Variants in FRMPD4 observed in about 807,000 individuals in gnomAD.
The protein encoded by FRMPD4 is FERM and PDZ domain containing 4.
In FRMPD4, 22 loss-of-function variants were observed where a neutral mutation model predicts 94.1. That is an observed-to-expected ratio of 0.23 (90% CI 0.17 to 0.33). The LOEUF is 0.33. FRMPD4 is among the 10% of genes least tolerant of loss of function. The probability of loss-of-function intolerance (pLI) is 1.00; values close to 1 mark genes in which losing one functional copy is unlikely to be tolerated. For missense variants in FRMPD4, 1,111 were observed against 1,339.9 expected, an observed-to-expected ratio of 0.83 and a Z score of 2.67; for synonymous variants, 631 against 548.6, an observed-to-expected ratio of 1.15 and a Z score of -2.10.
chrX:12,542,344 A>G (rs1023365998), intron 2 of FRMPD4, among the ~76,000 whole-genome samples: 3 of 112,264 alleles, frequency 2.7e-5, no homozygotes, highest in Non-Finnish European at 5.6e-5. Context: ...CAACCCCATT[A>G]TCTCAGCCCA....
chrX:12,123,927 C>A (rs1352192972), intron 3 of FRMPD4, among the ~76,000 whole-genome samples: 1 of 111,768 alleles, frequency 8.9e-6, no homozygotes, highest in Non-Finnish European at 1.9e-5. Context: ...ACTCCAATGA[C>A]TTCCCATTGC....
intron 1 of FRMPD4, among the ~76,000 whole-genome samples, chrX:12,317,657 T>G (rs78750399): frequency 1.2e-5 from 1 of 86,597 alleles, no homozygotes; most frequent in Admixed American, 1.2e-4. Context: ...AAAATCTGAA[T>G]AGACATTTCT....
At chrX:12,276,388 G>A (rs765881318) in intron 1 of FRMPD4, among the ~76,000 whole-genome samples, 1 of 112,301 alleles carries the variant, frequency 8.9e-6, no homozygotes, top group South Asian at 3.8e-4. Flanking sequence ...ATCAATACAT[G>A]TAAGATGTAC....
chrX:12,512,224 TA>T (rs1414913297), intron 2 of FRMPD4, among the ~76,000 whole-genome samples: 2 of 112,802 alleles, frequency 1.8e-5, no homozygotes, highest in African/African-American at 6.4e-5. Context: ...GGTATGAACA[TA>T]TTTTTTAAGT....
chrX:11,865,616 C>T (rs1020669609), intron 2 of FRMPD4, among the ~76,000 whole-genome samples: 2 of 111,605 alleles, frequency 1.8e-5, no homozygotes, highest in Non-Finnish European at 3.8e-5. Context: ...ATATGGAAAC[C>T]GAGGCATAGG....
At chrX:12,579,511 C>A (rs1311932795) in intron 2 of FRMPD4, among the ~76,000 whole-genome samples, 2 of 111,954 alleles carry the variant, frequency 1.8e-5, no homozygotes, top group Non-Finnish European at 3.8e-5. Flanking sequence ...CTTGTGGTCC[C>A]CCAGTGGAGC....
chrX:12,374,231 A>G (rs1370510212), intron 1 of FRMPD4, among the ~76,000 whole-genome samples: 1 of 112,296 alleles, frequency 8.9e-6, no homozygotes, highest in African/African-American at 3.2e-5. Context: ...GCTGTTGATA[A>G]GTTTAGGAGT....
intron 2 of FRMPD4, among the ~76,000 whole-genome samples, chrX:12,531,571 A>G (rs958376782): frequency 5.4e-5 from 6 of 111,838 alleles, no homozygotes; most frequent in African/African-American, 1.9e-4. Context: ...ATAAGCTTCC[A>G]GGAAGTACTG....
chrX:12,238,337 T>C (rs1338188977), intron 1 of FRMPD4, among the ~76,000 whole-genome samples: 1 of 110,795 alleles, frequency 9.0e-6, no homozygotes, highest in Non-Finnish European at 1.9e-5. Context: ...TTGGTCAGGC[T>C]GGTCTCGAAC....
At chrX:11,993,233 A>C (rs1426884195) in intron 3 of FRMPD4, among the ~76,000 whole-genome samples, 1 of 110,835 alleles carries the variant, frequency 9.0e-6, no homozygotes, top group Non-Finnish European at 1.9e-5. Flanking sequence ...ACATTTATGG[A>C]GAAGGTATGG....
intron 3 of FRMPD4, among the ~76,000 whole-genome samples, chrX:11,995,780 T>C (rs1217952141): frequency 8.9e-6 from 1 of 112,093 alleles, no homozygotes; most frequent in East Asian, 2.8e-4. Flanking sequence ...CTGGGGACCA[T>C]ACTGTAGTTG....
At chrX:12,612,634 T>C (rs1416004082) in intron 3 of FRMPD4, among the ~76,000 whole-genome samples, 2 of 112,589 alleles carry the variant, frequency 1.8e-5, no homozygotes, top group African/African-American at 6.5e-5. Flanking sequence ...AATAGTTTCA[T>C]TTGATCAAAA....
intron 4 of FRMPD4, among the ~76,000 whole-genome samples, chrX:12,652,366 A>G (rs192586342): frequency 8.9e-6 from 1 of 112,404 alleles, no homozygotes; most frequent in East Asian, 2.8e-4. Context: ...CTGTGGTAAA[A>G]TGTATACAAC....
chrX:12,062,833 G>T (rs2059655547), intron 3 of FRMPD4, among the ~76,000 whole-genome samples: 1 of 111,629 alleles, frequency 9.0e-6, no homozygotes. Flanking sequence ...CTATTGAGCT[G>T]CTAGAATTTT....
At chrX:12,592,283 A>G (rs1361403294) in intron 2 of FRMPD4, among the ~76,000 whole-genome samples, 1 of 112,033 alleles carries the variant, frequency 8.9e-6, no homozygotes, top group East Asian at 2.8e-4. Flanking sequence ...AATAGACAGT[A>G]TTCCCTGGGT....
At chrX:12,089,173 A>G (rs2055134505) in intron 3 of FRMPD4, among the ~76,000 whole-genome samples, 1 of 112,408 alleles carries the variant, frequency 8.9e-6, no homozygotes, top group African/African-American at 3.2e-5. Context: ...CATTAAAAGA[A>G]TATAGATGTT....
At chrX:12,473,664 C>A (rs1204772005) in intron 1 of FRMPD4, among the ~76,000 whole-genome samples, 2 of 109,463 alleles carry the variant, frequency 1.8e-5, no homozygotes, top group South Asian at 3.8e-4. Context: ...GGGTTGCAAT[C>A]CTAGTCTCTG....
At chrX:12,236,273 A>T (rs1380284711) in intron 1 of FRMPD4, among the ~76,000 whole-genome samples, 1 of 111,806 alleles carries the variant, frequency 8.9e-6, no homozygotes, top group Non-Finnish European at 1.9e-5. Flanking sequence ...GTTATCTGAG[A>T]CTCAGATAAC....
intron 3 of FRMPD4, among the ~76,000 whole-genome samples, chrX:12,050,893 A>G (rs1184578763): frequency 9.0e-6 from 1 of 111,650 alleles, no homozygotes; most frequent in Non-Finnish European, 1.9e-5. Context: ...ACATCATAAG[A>G]ACCAAATATT....
Sources: gnomAD v4.1 joint callset for allele counts (sites outside exome capture counted in the v4.1 genomes callset) on GRCh38, gnomAD v4.1.1 for gene constraint, MANE v1.5 for transcripts, NCBI Gene and HGNC (gene_info 2026-07-23, HGNC 2026-07-21) for gene names.